Variants in DCC observed in about 807,000 individuals in gnomAD.
The protein encoded by DCC is netrin receptor DCC.
Under a neutral mutation model 172.5 loss-of-function variants are expected in DCC, and 58 were observed. That is an observed-to-expected ratio of 0.34 (90% CI 0.27 to 0.42). The LOEUF (loss-of-function observed/expected upper bound fraction) is 0.42. Among genes scored for constraint, DCC ranks in the 10% least tolerant of loss-of-function variants. The pLI, the probability that DCC is intolerant of heterozygous loss-of-function variation, is 1.00. For missense variants in DCC, 1,740 were observed against 1,791.0 expected (o/e 0.97, Z 0.51); for synonymous variants, 709 against 644.5 (o/e 1.10, Z -1.52).
chr18:53,416,444 T>A (rs1415943978), intron 21 of DCC: 3 of 564,664 alleles, frequency 5.3e-6, no homozygotes, highest in Non-Finnish European at 6.5e-6. Flanking sequence ...TGTCTGCACT[T>A]CTGAATAATT....
chr18:52,533,715 G>A (rs148178242), intron 1 of DCC, among the ~76,000 whole-genome samples: 4 of 151,992 alleles, frequency 2.6e-5, no homozygotes, highest in South Asian at 4.2e-4. Flanking sequence ...ATATATTTTT[G>A]TATGTGTGTG....
intron 1 of DCC, among the ~76,000 whole-genome samples, chr18:52,652,076 A>C (rs1598988931): frequency 6.6e-6 from 1 of 152,338 alleles, no homozygotes; most frequent in Non-Finnish European, 1.5e-5. Flanking sequence ...TTACAATTTG[A>C]AACTGCAGAT....
chr18:53,033,208 G>A lies in DCC; in HGVS notation c.986-30097G>A, dbSNP rs527590728. Among the ~76,000 whole-genome samples the A allele has an allele frequency of 5.3e-5, 8 of 152,216 alleles. 1 individual carries two copies. In the South Asian group the frequency reaches 1.7e-3, roughly 32 times the overall value. On this transcript the variant is annotated intron_variant, in intron 5 of 28. Transcript: ENST00000442544. ...ACTGGCAAAACCCCAAGCATGCCAT[G>A]GTTAGCTCTTATTTTTACTCAGTCT...
intron 1 of DCC, among the ~76,000 whole-genome samples, chr18:52,744,960 C>T (rs926997771): frequency 4.6e-5 from 7 of 152,098 alleles, no homozygotes; most frequent in African/African-American, 1.7e-4. Context: ...CTCTCATAGC[C>T]CCTTATGTGA....
chr18:52,516,354 C>T (rs747491384), intron 1 of DCC, among the ~76,000 whole-genome samples: 14 of 152,072 alleles, frequency 9.2e-5, no homozygotes, highest in African/African-American at 1.4e-4. Flanking sequence ...AGCAGGTAAG[C>T]GGTTAAGCAA....
chr18:52,583,182 C>T (rs532831428), intron 1 of DCC, among the ~76,000 whole-genome samples: 7 of 152,206 alleles, frequency 4.6e-5, no homozygotes, highest in South Asian at 4.1e-4. Context: ...TGATCTGTTT[C>T]GTTCTCTTTT....
intron 1 of DCC, among the ~76,000 whole-genome samples, chr18:52,510,607 T>C (rs2031401921): frequency 6.6e-6 from 1 of 152,318 alleles, no homozygotes; most frequent in East Asian, 1.9e-4. Context: ...TGACCCCATC[T>C]TCCTTCTTGA....
intron 5 of DCC, among the ~76,000 whole-genome samples, chr18:53,062,397 G>T (rs554773744): frequency 3.9e-5 from 6 of 152,052 alleles, no homozygotes; most frequent in Non-Finnish European, 5.9e-5. Context: ...TTTGGTAATG[G>T]CTACTAAAAA....
At chr18:52,892,343 C>T (rs1481576304) in intron 2 of DCC, 1 of 152,048 alleles carries the variant, frequency 6.6e-6, no homozygotes, top group African/African-American at 2.4e-5. Context: ...ATAGTGGCCC[C>T]AAAGAAGCAG....
intron 2 of DCC, among the ~76,000 whole-genome samples, chr18:52,770,224 A>AT (rs899260790): frequency 4.0e-5 from 6 of 150,602 alleles, no homozygotes; most frequent in East Asian, 3.9e-4. Flanking sequence ...CTCCAGCCAT[A>AT]TTTTTTTTTC....
intron 2 of DCC, among the ~76,000 whole-genome samples, chr18:52,868,051 ATATGTG>A (rs1462732920): frequency 2.7e-4 from 27 of 98,774 alleles, no homozygotes; most frequent in South Asian, 6.0e-4. Context: ...ATATATATAT[ATATGTG>A]TGTGTGTGTG....
At chr18:53,363,228 T>A (rs1599066896) in intron 15 of DCC, among the ~76,000 whole-genome samples, 1 of 152,174 alleles carries the variant, frequency 6.6e-6, no homozygotes, top group East Asian at 1.9e-4. Context: ...AAATACAGCT[T>A]TGAAAAATAT....
intron 2 of DCC, among the ~76,000 whole-genome samples, chr18:52,762,004 C>T (rs909309458): frequency 5.3e-5 from 8 of 150,984 alleles, no homozygotes; most frequent in South Asian, 2.1e-4. Flanking sequence ...GAATTTATCA[C>T]AGGTTCTTAA....
intron 14 of DCC, among the ~76,000 whole-genome samples, chr18:53,328,300 A>G (rs991755794): frequency 6.6e-6 from 1 of 152,152 alleles, no homozygotes. Context: ...TGCAGTCTTA[A>G]TGACTAGGTT....
intron 1 of DCC, among the ~76,000 whole-genome samples, chr18:52,558,560 C>T (rs1427298999): frequency 6.6e-6 from 1 of 151,954 alleles, no homozygotes; most frequent in Non-Finnish European, 1.5e-5. Context: ...TCTATTTTGC[C>T]GTGTTCATAT....
At chr18:53,449,509 C>T (rs1189611548) in intron 22 of DCC, among the ~76,000 whole-genome samples, 3 of 152,190 alleles carry the variant, frequency 2.0e-5, no homozygotes, top group African/African-American at 7.2e-5. Context: ...GGGATTCATA[C>T]ACCTTTAACA....
At chr18:52,619,716 TC>T (rs200268693) in intron 1 of DCC, among the ~76,000 whole-genome samples, 37,504 of 151,980 alleles carry the variant, frequency 0.25, 5,121 homozygotes, top group Middle Eastern at 0.34. Context: ...TCTGTCATAT[TC>T]AGAGTTTCCT....
intron 1 of DCC, among the ~76,000 whole-genome samples, chr18:52,750,851 A>C (rs1194006779): frequency 6.6e-6 from 1 of 152,188 alleles, no homozygotes; most frequent in Admixed American, 6.5e-5. Context: ...AAGTGTTCCC[A>C]TTACAGAAAA....
intron 5 of DCC, among the ~76,000 whole-genome samples, chr18:52,946,690 A>G (rs2040551520): frequency 6.6e-6 from 1 of 152,198 alleles, no homozygotes; most frequent in Admixed American, 6.5e-5. Context: ...CTTACATTCC[A>G]TCTGCAAACA....
Sources: gnomAD v4.1 joint callset for allele counts (sites outside exome capture counted in the v4.1 genomes callset) on GRCh38, gnomAD v4.1.1 for gene constraint, MANE v1.5 for transcripts, NCBI Gene and HGNC (gene_info 2026-07-23, HGNC 2026-07-21) for gene names.